The following TIPARP variants were observed in gnomAD, a reference collection of about 807,000 sequenced individuals.
TIPARP encodes the protein protein mono-ADP-ribosyltransferase TIPARP.
A neutral mutation model predicts 56.5 loss-of-function variants in TIPARP; 12 were observed. The observed-to-expected ratio is 0.21, with a 90% CI of 0.14 to 0.34. TIPARP has a LOEUF of 0.34. Ranked by LOEUF, TIPARP falls within the 10% of genes least tolerant of loss-of-function variation. The pLI is 1.00. For missense variants in TIPARP, 604 were observed against 781.6 expected, an observed-to-expected ratio of 0.77 and a Z score of 2.71; for synonymous variants, 296 against 265.7, an observed-to-expected ratio of 1.11 and a Z score of -1.11.
At position 156,704,914 on chromosome 3, in the gene TIPARP, T is replaced by C; in HGVS notation, c.1757T>C (p.Met586Thr). Residue 586 changes from methionine to threonine, a missense_variant, in exon 6 of 6, where the codon ATG becomes ACG. Coordinates refer to ENST00000295924, the MANE Select transcript of TIPARP (RefSeq NM_015508.5). ...AAGTCCTCCAAAGGAGTCCACTTCA[T>C]GTTTCTGGCCAAAGTGCTGACGGGC... ...SKKSSKGVHFMFLAKVLTGRY... is the reference protein window; with the variant it reads ...SKKSSKGVHFTFLAKVLTGRY... 1 of 1,614,220 alleles carries C rather than the reference T, an allele frequency of 6.2e-7. No homozygotes were observed. Among genetic ancestry groups the C allele is most frequent in the Non-Finnish European group, 8.5e-7 (1 of 1,180,040 alleles).
intron 2 of TIPARP, among the ~76,000 whole-genome samples, chr3:156,682,560 G>T (rs994467115): frequency 6.6e-6 from 1 of 152,216 alleles, no homozygotes; most frequent in South Asian, 2.1e-4. Context: ...AGCATATACT[G>T]TTACAGTCCC....
chr3:156,693,314 C>G (rs1255632281), intron 2 of TIPARP, among the ~76,000 whole-genome samples: 2 of 152,124 alleles, frequency 1.3e-5, no homozygotes, highest in Admixed American at 1.3e-4. Context: ...GAGTCTGATT[C>G]ATATAGTGGG....
At chr3:156,696,155 T>C (rs1046401278) in intron 4 of TIPARP, 130 bp downstream of exon 4, 2 of 948,954 alleles carry the variant, frequency 2.1e-6, no homozygotes, top group African/African-American at 3.5e-5. Context: ...TCCAAATTAG[T>C]CTTTGGATTT....
chr3:156,701,362 A>G (rs1722840658), intron 4 of TIPARP, among the ~76,000 whole-genome samples: 1 of 152,250 alleles, frequency 6.6e-6, no homozygotes, highest in Non-Finnish European at 1.5e-5. Context: ...GGTTTGCTGT[A>G]CAGGCTGACA....
At chr3:156,698,872 T>A (rs1722781291) in intron 4 of TIPARP, among the ~76,000 whole-genome samples, 1 of 152,196 alleles carries the variant, frequency 6.6e-6, no homozygotes, top group Non-Finnish European at 1.5e-5. Context: ...CCATTTTAGA[T>A]GCCATTAAGA....
intron 2 of TIPARP, among the ~76,000 whole-genome samples, chr3:156,691,498 T>C (rs1158508903): frequency 6.6e-6 from 1 of 152,188 alleles, no homozygotes; most frequent in Non-Finnish European, 1.5e-5. Flanking sequence ...GTTTAATTCT[T>C]CGTGTATTGC....
intron 1 of TIPARP, chr3:156,675,041 C>T (rs1043816079): frequency 2.0e-5 from 3 of 152,278 alleles, no homozygotes; most frequent in Non-Finnish European, 4.4e-5. Flanking sequence ...TACATCAGAC[C>T]GAGGCGCCGA....
At chr3:156,680,645 AG>A (rs2062028192) in intron 2 of TIPARP, among the ~76,000 whole-genome samples, 1 of 152,218 alleles carries the variant, frequency 6.6e-6, no homozygotes, top group African/African-American at 2.4e-5. Flanking sequence ...CATGAGAACA[AG>A]GCAAGATAAT....
intron 2 of TIPARP, among the ~76,000 whole-genome samples, chr3:156,679,548 A>G (rs1485699065): frequency 1.3e-5 from 2 of 152,210 alleles, no homozygotes; most frequent in African/African-American, 4.8e-5. Context: ...GTTAATAGCT[A>G]TTTGTGTATG....
chr3:156,688,689 C>T (rs344009), intron 2 of TIPARP, among the ~76,000 whole-genome samples: 145,130 of 152,298 alleles, frequency 0.95, 69,190 homozygotes, highest in Middle Eastern at 0.99. Flanking sequence ...CCTTGTAACA[C>T]ATTTGAAGGG....
At chr3:156,698,895 A>G (rs1722781768) in intron 4 of TIPARP, among the ~76,000 whole-genome samples, 1 of 152,200 alleles carries the variant, frequency 6.6e-6, no homozygotes, top group Admixed American at 6.5e-5. Context: ...ATCGTGATTC[A>G]TGGGAGGGGG....
chr3:156,678,786 TAACTC>T (rs61058566), intron 2 of TIPARP, among the ~76,000 whole-genome samples, 172 bp downstream of exon 2: 6,112 of 152,272 alleles, frequency 0.04, 404 homozygotes, highest in African/African-American at 0.14. Context: ...TGCAGGCTAT[TAACTC>T]AACCGGACAA....
At chr3:156,696,475 A>G (rs562410015) in intron 4 of TIPARP, among the ~76,000 whole-genome samples, 1 of 152,200 alleles carries the variant, frequency 6.6e-6, no homozygotes, top group African/African-American at 2.4e-5. Context: ...GGGAAAGTTC[A>G]CCTTTTCAAA....
intron 1 of TIPARP, among the ~76,000 whole-genome samples, chr3:156,676,123 A>C (rs1431288032): frequency 6.6e-6 from 1 of 152,182 alleles, no homozygotes; most frequent in Non-Finnish European, 1.5e-5. Context: ...GTGGAGAGGG[A>C]ATACCACAAT....
At chr3:156,676,026 G>C (rs1251010296) in intron 1 of TIPARP, among the ~76,000 whole-genome samples, 1 of 152,180 alleles carries the variant, frequency 6.6e-6, no homozygotes, top group African/African-American at 2.4e-5. Flanking sequence ...AAATAAAATC[G>C]ATTTAGTGTC....
At chr3:156,676,845 TCTTTAAAAATGTATGTATGTAA>T (rs1722143786) in intron 1 of TIPARP, among the ~76,000 whole-genome samples, 1 of 152,178 alleles carries the variant, frequency 6.6e-6, no homozygotes, top group African/African-American at 2.4e-5. Context: ...CTTCATTTGC[TCTTTAAAAATGTATGTATGTAA>T]CTTTTCTGAA....
At chr3:156,703,248 C>T (rs1303152309) in intron 4 of TIPARP, among the ~76,000 whole-genome samples, 176 bp from the exon 5 acceptor site, 2 of 151,974 alleles carry the variant, frequency 1.3e-5, no homozygotes, top group African/African-American at 2.4e-5. Context: ...CATGTACAGG[C>T]GATGTTTGCT....
intron 1 of TIPARP, among the ~76,000 whole-genome samples, chr3:156,677,186 TA>T (rs2108484644): frequency 6.6e-6 from 1 of 152,384 alleles, no homozygotes; most frequent in African/African-American, 2.4e-5. Flanking sequence ...GTTTGAAGTT[TA>T]TCTTTCATTT....
chr3:156,705,963 C>T lies in TIPARP; in HGVS notation c.*832C>T, dbSNP rs886980943. The T allele has an allele frequency of 4.6e-5, 7 of 152,572 alleles. No individual in the cohort carries two copies. Among genetic ancestry groups the T allele is most frequent in the Non-Finnish European group, 7.4e-5 (5 of 68,026 alleles). The allele number at this position is 152,572 out of a possible 1,614,324, so 9.5% of individuals were successfully genotyped here. A position where few individuals can be genotyped will look rare whatever the true frequency, so the allele number is the denominator to read the frequency against. On this transcript the variant is annotated 3_prime_UTR_variant, in exon 6 of 6. Coordinates refer to ENST00000295924, the MANE Select transcript of TIPARP (RefSeq NM_015508.5). ...AGGGTTAGAAGTATTACTTCCTTTT[C>T]GGGTTCCAGACCTAGCTTGTGACTG...
Sources: allele counts gnomAD v4.1 joint callset (sites outside exome capture counted in the v4.1 genomes callset), GRCh38; gene constraint gnomAD v4.1.1; transcripts MANE v1.5; gene names NCBI Gene and HGNC (gene_info 2026-07-23, HGNC 2026-07-21).